The following RUNX1 variants were observed in gnomAD, a reference collection of about 807,000 sequenced individuals.
The protein encoded by RUNX1 is RUNX family transcription factor 1.
RUNX1 carries 19 observed loss-of-function variants against 42.8 expected under a neutral mutation model. The ratio of observed to expected loss-of-function variants is 0.44; its 90% CI spans 0.31 to 0.65. RUNX1 has a LOEUF of 0.65. Among genes scored for constraint, RUNX1 ranks in the 30% least tolerant of loss-of-function variants. RUNX1 has a pLI of 0.07. For missense variants in RUNX1, 528 were observed against 672.0 expected (o/e 0.79, Z 2.37); for synonymous variants, 271 against 289.4 (o/e 0.94, Z 0.64).
At chr21:35,010,163 C>T (rs7281510) in intron 2 of RUNX1, among the ~76,000 whole-genome samples, 27,360 of 152,116 alleles carry the variant, frequency 0.18, 3,019 homozygotes, top group African/African-American at 0.3. Context: ...ATAAGGCATA[C>T]AAAACCATAT....
At chr21:35,048,741 G>T in intron 2 of RUNX1, 101 bp downstream of exon 2, 1 of 948,816 alleles carries the variant, frequency 1.1e-6, no homozygotes, top group Non-Finnish European at 1.7e-6. Context: ...CAGGGAACTG[G>T]CAGGCACCGA....
chr21:34,933,595 T>C (rs1005313394), intron 2 of RUNX1, among the ~76,000 whole-genome samples: 2 of 152,222 alleles, frequency 1.3e-5, no homozygotes, highest in East Asian at 3.8e-4. Context: ...GTTCGACGTA[T>C]AGTAGCTGAA....
chr21:35,036,115 C>A (rs949840748), intron 2 of RUNX1, among the ~76,000 whole-genome samples: 4 of 152,034 alleles, frequency 2.6e-5, no homozygotes, highest in African/African-American at 9.7e-5. Flanking sequence ...CGAGCCCTGG[C>A]GTGTGTGCAG....
At chr21:34,893,770 GTTTT>G (rs67786578) in intron 2 of RUNX1, among the ~76,000 whole-genome samples, 1,556 of 137,658 alleles carry the variant, frequency 0.011, 30 homozygotes, top group African/African-American at 0.042. Flanking sequence ...TTAGTATGCT[GTTTT>G]TTTTTTTTTA....
At chr21:34,889,855 C>T (rs1023391758) in intron 3 of RUNX1, 18 of 1,093,232 alleles carry the variant, frequency 1.6e-5, no homozygotes, top group Non-Finnish European at 1.8e-5. Context: ...CCCTCCACGC[C>T]CTCCCTGCCG....
intron 4 of RUNX1, among the ~76,000 whole-genome samples, chr21:34,882,756 A>T (rs545456494): frequency 6.6e-6 from 1 of 151,904 alleles, no homozygotes; most frequent in African/African-American, 2.4e-5. Context: ...GTCTCTCACA[A>T]CAAATTTTCC....
chr21:34,789,544 A>G lies in RUNX1; in HGVS notation c.*2591T>C, dbSNP rs1343463727. ...AACTTTCCTGAGGGCAATGAATAAA[A>G]AGATACCTTAATCTACCTGAAGTCA... On this transcript the variant is annotated 3_prime_UTR_variant, in exon 9 of 9. Coordinates refer to ENST00000675419, the MANE Select transcript of RUNX1 (RefSeq NM_001754.5). 8.6e-6 allele frequency: 2 copies of G among 233,586 alleles called. No individual in the cohort carries two copies. Among genetic ancestry groups the G allele is most frequent in the Non-Finnish European group, 1.7e-5 (2 of 118,070 alleles). 14.5% of individuals were successfully genotyped at this position (233,586 alleles called of 1,614,324 possible). A position where few individuals can be genotyped will look rare whatever the true frequency, so the allele number is the denominator to read the frequency against.
rs76967467 is a variant in RUNX1, at chr21:34,907,917, T to C, written c.59-14954A>G. Among the ~76,000 whole-genome samples the C allele has an allele frequency of 3.9e-3, 593 of 152,306 alleles. 6 individuals carry two copies. The highest frequency in any genetic ancestry group is 0.014 in the African/African-American group (576 of 41,576). Reference sequence around the variant, plus strand: ...CATTTTGTCCAATCCATTTAGTTTATAGAGGGAAAAGGAGGCTCTGAAAAG... The same window carrying C: ...CATTTTGTCCAATCCATTTAGTTTACAGAGGGAAAAGGAGGCTCTGAAAAG... On this transcript the variant is annotated intron_variant, in intron 2 of 8. Coordinates refer to ENST00000675419, the MANE Select transcript of RUNX1 (RefSeq NM_001754.5). The surrounding 1 kb of genome is among the most constrained non-coding windows in gnomAD (Gnocchi z 5.3).
Position 35,039,987 on chromosome 21 carries a change from C to T in RUNX1, c.58+8855G>A, listed in dbSNP as rs78723623. Among the ~76,000 whole-genome samples the T allele has an allele frequency of 8.0e-3, 1,221 of 152,296 alleles. 16 individuals carry two copies. Among genetic ancestry groups the T allele is most frequent in the African/African-American group, 0.028 (1,169 of 41,550 alleles). ...TTTTCACCCATTCACCCATTCATTA[C>T]ATGAAAGGGGCTGGGATAAGAGAGA... On this transcript the variant is annotated intron_variant, in intron 2 of 8. Transcript: ENST00000675419.
intron 2 of RUNX1, among the ~76,000 whole-genome samples, chr21:35,019,147 C>T (rs1186590744): frequency 1.3e-5 from 2 of 152,330 alleles, no homozygotes; most frequent in Non-Finnish European, 1.5e-5. Flanking sequence ...TACCTTCTAA[C>T]ACTGCATCCC....
intron 2 of RUNX1, among the ~76,000 whole-genome samples, chr21:35,016,881 T>TTGTG (rs139916478): frequency 0.059 from 8,773 of 149,296 alleles, 304 homozygotes; most frequent in Non-Finnish European, 0.071. Flanking sequence ...TGTGTGCACA[T>TTGTG]TGTGTGTGTG....
Position 34,792,303 on chromosome 21 carries a change from C to CGGGGGGGGGG in RUNX1, c.1274_1275insCCCCCCCCCC (p.Arg427ProfsTer176). 1 of 1,536,112 alleles carries CGGGGGGGGGG rather than the reference C, an allele frequency of 6.5e-7. No individual in the cohort carries two copies. Among genetic ancestry groups the CGGGGGGGGGG allele is most frequent in the Non-Finnish European group, 8.8e-7 (1 of 1,142,286 alleles). On this transcript the variant is annotated frameshift_variant, in exon 9 of 9. Coordinates refer to ENST00000675419, the MANE Select transcript of RUNX1 (RefSeq NM_001754.5). LOFTEE classifies it high-confidence loss of function. This position sits in a 1 kb window ranked among gnomAD's most constrained non-coding sequence, Gnocchi z 6.9. ...TGGTGCAGGGCGGCAGGATGCGCGG[C>CGGGGGGGGGG]GGCGAGCGCTCGCCGCCCACCATGG...
intron 2 of RUNX1, among the ~76,000 whole-genome samples, chr21:34,983,527 T>C (rs1007343217): frequency 1.3e-5 from 2 of 152,200 alleles, no homozygotes; most frequent in Admixed American, 1.3e-4. Context: ...TTACATGAAA[T>C]GATAATGATA....
At chr21:34,882,312 T>C (rs746882994) in intron 4 of RUNX1, among the ~76,000 whole-genome samples, 28 of 152,300 alleles carry the variant, frequency 1.8e-4, no homozygotes, top group Middle Eastern at 3.4e-3. Context: ...GCTTCAGTCC[T>C]TGTGGCACAG....
chr21:34,953,539 A>G (rs973826883), intron 2 of RUNX1, among the ~76,000 whole-genome samples: 4 of 152,222 alleles, frequency 2.6e-5, no homozygotes, highest in Admixed American at 2.0e-4. Flanking sequence ...GAAGAAAGAT[A>G]TAAGGAGTCT....
In RUNX1 at chr21:34,866,198, C is replaced by CA. The variant is rs1197481994; in HGVS notation, c.509-6621dup. Among the ~76,000 whole-genome samples, 8 of 152,282 alleles carry CA rather than the reference C, an allele frequency of 5.3e-5. 1 individual carries two copies. The South Asian group carries it at 1.7e-3, about 32-fold the overall frequency. On this transcript the variant is annotated intron_variant, in intron 5 of 8. Coordinates refer to ENST00000675419, the MANE Select transcript of RUNX1 (RefSeq NM_001754.5). ...AAAGGAGCCGTCTGCCCTGGGGGCT[C>CA]AGAGTCCTTAGGAAACACAATCGCA...
intron 6 of RUNX1, among the ~76,000 whole-genome samples, chr21:34,848,451 T>C (rs1380362579): frequency 6.6e-6 from 1 of 152,202 alleles, no homozygotes; most frequent in East Asian, 1.9e-4. Context: ...ACTTTATTTT[T>C]TGAGACAGAG....
At position 34,856,268 on chromosome 21, in the gene RUNX1, C is replaced by T. The variant is rs547184059; in HGVS notation, c.613+3206G>A. 3.0e-5 allele frequency: 14 copies of T among 473,466 alleles called. No homozygotes were observed. The East Asian group carries it at 8.1e-4, about 27-fold the overall frequency. The allele number at this position is 473,466 out of a possible 1,614,324, so 29.3% of individuals were successfully genotyped here. On this transcript the variant is annotated intron_variant, in intron 6 of 8. Coordinates refer to ENST00000675419, the MANE Select transcript of RUNX1 (RefSeq NM_001754.5). ...GTTTGTCCCTCCAAATGCCAGATAA[C>T]TGCTTTATTTAGTTAAGCTTGCACG...
At chr21:34,934,868 AG>A (rs1811585795) in intron 2 of RUNX1, among the ~76,000 whole-genome samples, 2 of 152,182 alleles carry the variant, frequency 1.3e-5, no homozygotes, top group South Asian at 4.1e-4. Flanking sequence ...GAGGCTTCAT[AG>A]GTTGAAGACT....
Sources: gnomAD v4.1 joint callset for allele counts (sites outside exome capture counted in the v4.1 genomes callset) on GRCh38, gnomAD v4.1.1 for gene constraint, Gnocchi (gnomAD v3.1) non-coding constraint, MANE v1.5 for transcripts, NCBI Gene and HGNC (gene_info 2026-07-23, HGNC 2026-07-21) for gene names.